MMP26: variants seen among roughly 807,000 people sequenced by gnomAD.
The protein encoded by MMP26 is matrix metallopeptidase 26, also known as matrix metalloproteinase-26.
A neutral mutation model predicts 31.0 loss-of-function variants in MMP26; 33 were observed. The ratio of observed to expected loss-of-function variants is 1.06; its 90% CI spans 0.81 to 1.42. The LOEUF (loss-of-function observed/expected upper bound fraction) is 1.42. MMP26 is among the 40% of genes most tolerant of loss of function. The pLI, the probability that MMP26 is intolerant of heterozygous loss-of-function variation, is 0.00. For missense variants in MMP26, 347 were observed against 316.1 expected, an observed-to-expected ratio of 1.10 and a Z score of -0.74; for synonymous variants, 122 against 114.9, an observed-to-expected ratio of 1.06 and a Z score of -0.40.
intron 2 of MMP26, among the ~76,000 whole-genome samples, chr11:4,820,053 C>T (rs976626148): frequency 6.6e-6 from 1 of 152,170 alleles, no homozygotes; most frequent in Non-Finnish European, 1.5e-5. Flanking sequence ...TTTGACACAT[C>T]AAACTCCCCT....
At chr11:4,963,587 A>G (rs1183497230) in intron 2 of MMP26, among the ~76,000 whole-genome samples, 1 of 152,204 alleles carries the variant, frequency 6.6e-6, no homozygotes, top group African/African-American at 2.4e-5. Flanking sequence ...CCAAACATCT[A>G]CAACCTTCTG....
At chr11:4,726,885 C>G (rs1435478183) in intron 1 of MMP26, among the ~76,000 whole-genome samples, 1 of 152,120 alleles carries the variant, frequency 6.6e-6, no homozygotes, top group Non-Finnish European at 1.5e-5. Flanking sequence ...GGGCTTACAC[C>G]TGTAGCCCTA....
chr11:4,869,470 C>A (rs975034926), intron 2 of MMP26, among the ~76,000 whole-genome samples: 1 of 152,198 alleles, frequency 6.6e-6, no homozygotes, highest in Non-Finnish European at 1.5e-5. Context: ...TGGAAAAATG[C>A]TCATCATCAC....
At chr11:4,862,230 T>C (rs1850171666) in intron 2 of MMP26, among the ~76,000 whole-genome samples, 1 of 152,196 alleles carries the variant, frequency 6.6e-6, no homozygotes, top group Non-Finnish European at 1.5e-5. Flanking sequence ...TTCTTTCCAG[T>C]GAGTATAGCT....
chr11:4,923,119 C>T (rs1353731057), intron 2 of MMP26, among the ~76,000 whole-genome samples: 1 of 152,134 alleles, frequency 6.6e-6, no homozygotes, highest in African/African-American at 2.4e-5. Flanking sequence ...TGTTAGAAAA[C>T]TACCTAAATT....
At chr11:4,983,331 G>A (rs752544934) in intron 2 of MMP26, among the ~76,000 whole-genome samples, 18 of 152,110 alleles carry the variant, frequency 1.2e-4, no homozygotes, top group Non-Finnish European at 1.8e-4. Context: ...GTATTGCGGT[G>A]AAAGCATTTG....
intron 1 of MMP26, among the ~76,000 whole-genome samples, chr11:4,721,298 A>G (rs969357316): frequency 6.6e-6 from 1 of 152,212 alleles, no homozygotes; most frequent in Non-Finnish European, 1.5e-5. Context: ...ACTAATAACT[A>G]CAGCCAGCTA....
At chr11:4,762,560 A>G (rs1216854184) in intron 1 of MMP26, among the ~76,000 whole-genome samples, 1 of 152,200 alleles carries the variant, frequency 6.6e-6, no homozygotes, top group Non-Finnish European at 1.5e-5. Flanking sequence ...TATTGGGACC[A>G]GTGAGAACGT....
rs773289689 is a variant in MMP26, at chr11:4,915,198, G to A, written c.-144-72870G>A. The A allele has an allele frequency of 1.2e-5, 19 of 1,613,818 alleles. No individual in the cohort carries two copies. Among genetic ancestry groups the A allele is most frequent in the African/African-American group, 4.0e-5 (3 of 74,898 alleles). Reference sequence around the variant, plus strand: ...AATGGAAAAATGAGTGCTACACTACGACCCAGAGAGACCAGGCCAATCCTG... The same window carrying A: ...AATGGAAAAATGAGTGCTACACTACAACCCAGAGAGACCAGGCCAATCCTG... On this transcript the variant is annotated intron_variant, in intron 2 of 7. Transcript: ENST00000380390.
chr11:4,870,170 A>T (rs2133525138), intron 2 of MMP26, among the ~76,000 whole-genome samples: 1 of 152,318 alleles, frequency 6.6e-6, no homozygotes, highest in East Asian at 1.9e-4. Context: ...ATGTATACAT[A>T]TGTAACAAAC....
chr11:4,934,929 A>G (rs1229491989), intron 2 of MMP26, among the ~76,000 whole-genome samples: 1 of 151,360 alleles, frequency 6.6e-6, no homozygotes, highest in Non-Finnish European at 1.5e-5. Context: ...TGTTCCATTG[A>G]TCTATATCTC....
Position 4,716,012 on chromosome 11 carries a change from A to G in MMP26, c.-217+10967A>G, listed in dbSNP as rs1847925566. Among the ~76,000 whole-genome samples, 6 of 152,208 alleles carry G rather than the reference A, an allele frequency of 3.9e-5. No individual in the cohort carries two copies. In the South Asian group the frequency reaches 1.2e-3, roughly 31 times the overall value. On this transcript the variant is annotated intron_variant, in intron 1 of 7. Transcript: ENST00000380390. ...ATCTCGAAGGAGGTTCTACTGCTGG[A>G]TTTGAAGACCTAAGATGTCATATTG...
chr11:4,806,247 G>T (rs1849267958), intron 2 of MMP26, among the ~76,000 whole-genome samples: 1 of 152,006 alleles, frequency 6.6e-6, no homozygotes, highest in Admixed American at 6.6e-5. Context: ...TCCGCTTGGT[G>T]CAGAGCTGAG....
chr11:4,798,925 C>T (rs1345587810), intron 2 of MMP26, among the ~76,000 whole-genome samples: 1 of 152,196 alleles, frequency 6.6e-6, no homozygotes, highest in Non-Finnish European at 1.5e-5. Context: ...GCCCTGACAT[C>T]ACAGTTTGGT....
chr11:4,835,557 T>C (rs527284350), intron 2 of MMP26, among the ~76,000 whole-genome samples: 1 of 152,264 alleles, frequency 6.6e-6, no homozygotes, highest in South Asian at 2.1e-4. Flanking sequence ...ATTTGGCCAG[T>C]GTACAGGAGA....
At chr11:4,788,749 G>T (rs999039429) in intron 2 of MMP26, among the ~76,000 whole-genome samples, 2 of 152,094 alleles carry the variant, frequency 1.3e-5, no homozygotes, top group African/African-American at 2.4e-5. Context: ...CTCAAAAACA[G>T]GGTATTTCCT....
chr11:4,810,824 T>TTTTTAAATCTAATG (rs1849340049), intron 2 of MMP26, among the ~76,000 whole-genome samples: 2 of 152,196 alleles, frequency 1.3e-5, no homozygotes, highest in Non-Finnish European at 1.5e-5. Context: ...CGAATCCAGA[T>TTTTTAAATCTAATG]TTTTAAATCT....
chr11:4,991,750 G>A, intron 6 of MMP26, among the ~76,000 whole-genome samples: 1 of 151,914 alleles, frequency 6.6e-6, no homozygotes, highest in South Asian at 2.1e-4. Context: ...TTCTTTCCAT[G>A]TGTCTTTTTC....
chr11:4,912,061 A>G (rs779156910), intron 2 of MMP26, among the ~76,000 whole-genome samples: 22 of 151,892 alleles, frequency 1.4e-4, no homozygotes, highest in Non-Finnish European at 2.6e-4. Context: ...TTTAACACAC[A>G]TTCTTCTTTG....
Sources: gnomAD v4.1 joint callset for allele counts (sites outside exome capture counted in the v4.1 genomes callset) on GRCh38, gnomAD v4.1.1 for gene constraint, MANE v1.5 for transcripts, NCBI Gene and HGNC (gene_info 2026-07-23, HGNC 2026-07-21) for gene names.